ADAT1: variants seen among roughly 807,000 people sequenced by gnomAD.
ADAT1 encodes the protein adenosine deaminase tRNA specific 1.
A neutral mutation model predicts 58.6 loss-of-function variants in ADAT1; 58 were observed. The ratio of observed to expected loss-of-function variants is 0.99; its 90% CI spans 0.80 to 1.23. The LOEUF (loss-of-function observed/expected upper bound fraction) is 1.23, where lower values mean the gene tolerates loss of function less well. ADAT1 is among the 50% of genes most tolerant of loss of function. The pLI is 0.00. For missense variants in ADAT1, 741 were observed against 608.6 expected (o/e 1.22, Z -2.29); for synonymous variants, 254 against 220.8 (o/e 1.15, Z -1.33).
At chr16:75,618,173 C>T (rs929297918) in intron 4 of ADAT1, among the ~76,000 whole-genome samples, 6 of 144,688 alleles carry the variant, frequency 4.1e-5, no homozygotes, top group Non-Finnish European at 6.0e-5. Context: ...GTGTAGTTTA[C>T]AGACTAATAT....
rs2081907832 is a variant in ADAT1 at position 75,620,752 on chromosome 16, C to A, written c.48G>T (p.Gly16=). 3 of 1,614,012 alleles carry A rather than the reference C, an allele frequency of 1.9e-6. No individual in the cohort carries two copies. The highest frequency in any genetic ancestry group is 1.3e-5 in the African/African-American group (1 of 74,904). The change falls in exon 2 of 10, where the codon GGG becomes GGT. Residue 16 remains glycine (G), a synonymous_variant. Transcript: ENST00000564657. The part of the protein sequence containing the change: ...EIAQLCYEHY[G]IRLPKKGKPE... ...GCTTCCCCTTCTTGGGCAGCCTGATCCCATAGTGTTCATAGCATAGCTGAG... is the reference window on the plus strand; with the variant it reads ...GCTTCCCCTTCTTGGGCAGCCTGATACCATAGTGTTCATAGCATAGCTGAG...
intron 9 of ADAT1, among the ~76,000 whole-genome samples, chr16:75,602,474 C>A (rs1041798047): frequency 6.6e-6 from 1 of 152,134 alleles, no homozygotes; most frequent in African/African-American, 2.4e-5. Context: ...AATGACTGAA[C>A]GTGAAGGGGA....
At chr16:75,619,931 T>G (rs2151785672) in intron 3 of ADAT1, among the ~76,000 whole-genome samples, 1 of 151,050 alleles carries the variant, frequency 6.6e-6, no homozygotes, top group Middle Eastern at 3.5e-3. Flanking sequence ...TTTCTTGGGC[T>G]TCAGAAGCCA....
intron 8 of ADAT1, among the ~76,000 whole-genome samples, chr16:75,605,317 G>A (rs905064150): frequency 3.3e-5 from 5 of 151,972 alleles, no homozygotes; most frequent in African/African-American, 1.2e-4. Context: ...TTGAACTCCT[G>A]ACCTCAGGTT....
chr16:75,621,964 G>A (rs1300315632), intron 1 of ADAT1, among the ~76,000 whole-genome samples: 2 of 152,148 alleles, frequency 1.3e-5, no homozygotes, highest in South Asian at 2.1e-4. Context: ...CCTGGCCAAC[G>A]TGGTGAAACC....
At chr16:75,618,234 C>T (rs571458737) in intron 4 of ADAT1, among the ~76,000 whole-genome samples, 5 of 151,884 alleles carry the variant, frequency 3.3e-5, no homozygotes, top group East Asian at 1.9e-4. Context: ...GGGTGAGGCG[C>T]GGTGGCTCAC....
At chr16:75,606,218 A>C (rs931900399) in intron 8 of ADAT1, among the ~76,000 whole-genome samples, 1 of 152,154 alleles carries the variant, frequency 6.6e-6, no homozygotes, top group Non-Finnish European at 1.5e-5. Flanking sequence ...AATTGCCACA[A>C]AGAGGAACAA....
chr16:75,599,502 C>G lies in ADAT1; in HGVS notation c.*714G>C. 2.0e-6 allele frequency: 2 copies of G among 985,894 alleles called. No homozygotes were observed. Among genetic ancestry groups the G allele is most frequent in the South Asian group, 9.4e-5 (2 of 21,290 alleles). The allele number at this position is 985,894 out of a possible 1,614,324, so 61.1% of individuals were successfully genotyped here. A position where few individuals can be genotyped will look rare whatever the true frequency, so the allele number is the denominator to read the frequency against. On this transcript the variant is annotated 3_prime_UTR_variant, in exon 10 of 10. Coordinates refer to ENST00000564657, the MANE Select transcript of ADAT1 (RefSeq NM_001324445.2). ...TAATTGAGACATCTAAACAGTGTTA[C>G]TAGATCTTTGATTCTCTTGGCTGTT...
chr16:75,597,541 G>A lies in ADAT1; in HGVS notation c.*2675C>T, dbSNP rs1186011335. On this transcript the variant is annotated 3_prime_UTR_variant, in exon 10 of 10. Coordinates refer to ENST00000564657, the MANE Select transcript of ADAT1 (RefSeq NM_001324445.2). ...CCACAGATCCGGGGTGGGGATAGGG[G>A]GATAGTTTCGGGATGACTGAAGTGA... Among the ~76,000 whole-genome samples the A allele has an allele frequency of 6.6e-6, 1 of 152,142 alleles. No individual in the cohort carries two copies. The highest frequency in any genetic ancestry group is 1.5e-5 in the Non-Finnish European group (1 of 68,026).
Position 75,599,342 on chromosome 16 carries a change from A to G in ADAT1, c.*874T>C. The G allele has an allele frequency of 2.0e-6, 2 of 983,576 alleles. No individual in the cohort carries two copies. The highest frequency in any genetic ancestry group is 1.2e-6 in the Non-Finnish European group (1 of 827,978). 60.9% of individuals were successfully genotyped at this position (983,576 alleles called of 1,614,324 possible). A position where few individuals can be genotyped will look rare whatever the true frequency, so the allele number is the denominator to read the frequency against. ...AGTGATCTGCCTGCCTGGGCTTCCC[A>G]AAGTGCTGGGATTACAGGCCTGAGC... is the stretch of plus-strand genomic sequence containing the variant. On this transcript the variant is annotated 3_prime_UTR_variant, in exon 10 of 10. Coordinates refer to ENST00000564657, the MANE Select transcript of ADAT1 (RefSeq NM_001324445.2).
chr16:75,619,504 T>C, intron 3 of ADAT1: 1 of 418,142 alleles, frequency 2.4e-6, no homozygotes, highest in Admixed American at 3.0e-5. Context: ...ACCACCGTAC[T>C]TCAGTGAGAC....
At position 75,612,409 on chromosome 16, in the gene ADAT1, T is replaced by C. The variant is rs374777150; in HGVS notation, c.877A>G (p.Arg293Gly). ...TCACTACAGGACATGGAGCGTGTTC[T>C]GTCTCCACGGCCTGGCTTCACTCGG... is the stretch of plus-strand genomic sequence containing the variant. ...LLRVKPGRGD[R>G]TRSMSCSDKM... Residue 293 changes from arginine to glycine, a missense_variant, in exon 6 of 10, where the codon AGA (arginine) becomes GGA (glycine). Physicochemically the swap from Arg to Gly is moderately radical, Grantham distance 125 (BLOSUM62 -2). Coordinates refer to ENST00000564657, the MANE Select transcript of ADAT1 (RefSeq NM_001324445.2). 28 of 1,614,250 alleles carry C rather than the reference T, an allele frequency of 1.7e-5. No individual in the cohort carries two copies. The African/African-American group carries it at 3.7e-4, about 22-fold the overall frequency.
chr16:75,614,542 G>C (rs2081644931), intron 5 of ADAT1, among the ~76,000 whole-genome samples: 1 of 152,170 alleles, frequency 6.6e-6, no homozygotes. Flanking sequence ...TACAGAAGTG[G>C]GAATACATCT....
chr16:75,613,346 G>T (rs970630654), intron 5 of ADAT1, among the ~76,000 whole-genome samples: 15 of 152,202 alleles, frequency 9.9e-5, no homozygotes, highest in Admixed American at 6.5e-5. Context: ...CTGTTGCCCA[G>T]GCTGGAGTGC....
chr16:75,608,726 C>G, intron 7 of ADAT1, 117 bp downstream of exon 7: 1 of 1,294,814 alleles, frequency 7.7e-7, no homozygotes, highest in Non-Finnish European at 1.1e-6. Flanking sequence ...AAAGCCCACA[C>G]TACCGGCCAC....
chr16:75,620,597 C>T (rs898707050), intron 2 of ADAT1, 34 bp downstream of exon 2: 13 of 1,607,950 alleles, frequency 8.1e-6, no homozygotes, highest in Admixed American at 1.7e-5. Flanking sequence ...CCATCTCTCA[C>T]AGTGAGGAGC....
rs1282633267 is a variant in ADAT1, at chr16:75,597,124, C to T, written c.*3092G>A. 2 of 201,526 alleles carry T rather than the reference C, an allele frequency of 9.9e-6. No homozygotes were observed. Among genetic ancestry groups the T allele is most frequent in the Non-Finnish European group, 2.1e-5 (2 of 96,034 alleles). The allele number at this position is 201,526 out of a possible 1,614,324, so 12.5% of individuals were successfully genotyped here. ...CTGCAATGGGTTGAGTGGTGTCCCC[C>T]AAAACTTCATGTCTACCTGAAACCT... is the stretch of plus-strand genomic sequence containing the variant. On this transcript the variant is annotated 3_prime_UTR_variant, in exon 10 of 10. Transcript: ENST00000564657.
At chr16:75,602,946 G>T in intron 9 of ADAT1, 139 bp downstream of exon 9, 2 of 728,886 alleles carry the variant, frequency 2.7e-6, no homozygotes, top group Admixed American at 2.2e-5. Context: ...GGGCTATGGG[G>T]AAAGAAGAAC....
At position 75,598,765 on chromosome 16, in the gene ADAT1, T is replaced by C. The variant is rs1597078921; in HGVS notation, c.*1451A>G. The C allele has an allele frequency of 2.7e-6, 1 of 374,274 alleles. No homozygotes were observed. The highest frequency in any genetic ancestry group is 1.6e-4 in the East Asian group (1 of 6,084). The allele number at this position is 374,274 out of a possible 1,614,324, so 23.2% of individuals were successfully genotyped here. A position where few individuals can be genotyped will look rare whatever the true frequency, so the allele number is the denominator to read the frequency against. ...AACTCCTGACCTCAGGTGATCTGCCTGCCTCAGCCTCCCAAAGTGTTGGAA... is the reference window on the plus strand; with the variant it reads ...AACTCCTGACCTCAGGTGATCTGCCCGCCTCAGCCTCCCAAAGTGTTGGAA... On this transcript the variant is annotated 3_prime_UTR_variant, in exon 10 of 10. Coordinates refer to ENST00000564657, the MANE Select transcript of ADAT1 (RefSeq NM_001324445.2).
Sources: allele counts gnomAD v4.1 joint callset (sites outside exome capture counted in the v4.1 genomes callset), GRCh38; gene constraint gnomAD v4.1.1; transcripts MANE v1.5; gene names NCBI Gene and HGNC (gene_info 2026-07-23, HGNC 2026-07-21).